Variants in LRRC7 observed in about 807,000 individuals in gnomAD.
The protein encoded by LRRC7 is leucine rich repeat containing 7.
LRRC7 carries 23 observed loss-of-function variants against 175.7 expected under a neutral mutation model. That is an observed-to-expected ratio of 0.13 (90% CI 0.09 to 0.19). The LOEUF (loss-of-function observed/expected upper bound fraction) is 0.19, where lower values mean the gene tolerates loss of function less well. Among genes scored for constraint, LRRC7 ranks in the 10% least tolerant of loss-of-function variants. LRRC7 has a pLI of 1.00. For synonymous variants in LRRC7, 685 were observed against 680.9 expected (o/e 1.01, Z -0.09); for missense variants, 1,354 against 1,904.7 (o/e 0.71, Z 5.38).
chr1:69,807,124 C>CT (rs1444181843), intron 4 of LRRC7, among the ~76,000 whole-genome samples: 1 of 151,904 alleles, frequency 6.6e-6, no homozygotes, highest in Non-Finnish European at 1.5e-5. Flanking sequence ...GCAACCCCTG[C>CT]TTTTTTTGCT....
At chr1:70,114,722 G>T (rs954924478) in intron 26 of LRRC7, among the ~76,000 whole-genome samples, 1 of 152,112 alleles carries the variant, frequency 6.6e-6, no homozygotes, top group Non-Finnish European at 1.5e-5. Context: ...TTATATGCCA[G>T]ATTTTGACTG....
intron 1 of LRRC7, among the ~76,000 whole-genome samples, chr1:69,616,658 T>C (rs1460196982): frequency 6.6e-6 from 1 of 152,112 alleles, no homozygotes; most frequent in Non-Finnish European, 1.5e-5. Context: ...TAAGTTTCAC[T>C]TAAAATATTC....
At chr1:69,705,067 T>A (rs1446704393) in intron 2 of LRRC7, among the ~76,000 whole-genome samples, 1 of 152,162 alleles carries the variant, frequency 6.6e-6, no homozygotes, top group East Asian at 1.9e-4. Context: ...TTCTTTATTA[T>A]CTCAATTTCT....
intron 8 of LRRC7, among the ~76,000 whole-genome samples, chr1:69,937,229 C>A (rs1047518548): frequency 1.7e-4 from 26 of 152,080 alleles, no homozygotes; most frequent in Non-Finnish European, 3.2e-4. Flanking sequence ...AAGCAACTAT[C>A]ATTGTCTGAT....
At chr1:69,888,483 G>A (rs1040476949) in intron 7 of LRRC7, among the ~76,000 whole-genome samples, 14 of 152,060 alleles carry the variant, frequency 9.2e-5, no homozygotes, top group South Asian at 2.1e-4. Context: ...GCTCGCGCAC[G>A]GTGCGCGCAC....
intron 9 of LRRC7, 137 bp downstream of exon 9, chr1:69,980,590 A>G: frequency 3.1e-6 from 2 of 650,380 alleles, no homozygotes; most frequent in Non-Finnish European, 5.1e-6. Context: ...TCAGTCACCA[A>G]GTGTTTTCAC....
intron 25 of LRRC7, among the ~76,000 whole-genome samples, chr1:70,091,504 T>C (rs530675663): frequency 6.6e-6 from 1 of 152,248 alleles, no homozygotes; most frequent in Admixed American, 6.5e-5. Context: ...TTTCACTATA[T>C]TTTTGGAAGG....
intron 2 of LRRC7, among the ~76,000 whole-genome samples, chr1:69,679,359 T>C (rs1305815807): frequency 1.3e-5 from 2 of 152,210 alleles, no homozygotes; most frequent in African/African-American, 2.4e-5. Flanking sequence ...TAAGATTATA[T>C]TGGCGTTTTT....
At chr1:69,697,895 A>AG (rs1344256825) in intron 2 of LRRC7, among the ~76,000 whole-genome samples, 2 of 152,232 alleles carry the variant, frequency 1.3e-5, no homozygotes, top group Admixed American at 6.5e-5. Flanking sequence ...CATGGGGCTT[A>AG]CTGCTGTACA....
At chr1:69,953,945 T>C (rs1345641732) in intron 8 of LRRC7, among the ~76,000 whole-genome samples, 1 of 152,058 alleles carries the variant, frequency 6.6e-6, no homozygotes, top group Non-Finnish European at 1.5e-5. Flanking sequence ...AGTTAATAAG[T>C]ATAGAATTTG....
chr1:69,783,572 G>A (rs147489823), intron 3 of LRRC7, among the ~76,000 whole-genome samples: 145 of 151,956 alleles, frequency 9.5e-4, no homozygotes, highest in African/African-American at 2.9e-3. Context: ...GCAACATGGC[G>A]GAACCCTGTC....
At chr1:69,659,426 A>C (rs376931273) in intron 1 of LRRC7, among the ~76,000 whole-genome samples, 1 of 151,972 alleles carries the variant, frequency 6.6e-6, no homozygotes, top group Non-Finnish European at 1.5e-5. Flanking sequence ...AATCCAAAAA[A>C]TAAAACCAGT....
chr1:69,992,828 C>G (rs1654571008), intron 10 of LRRC7, among the ~76,000 whole-genome samples: 1 of 152,162 alleles, frequency 6.6e-6, no homozygotes, highest in South Asian at 2.1e-4. Context: ...CAACCTTCCT[C>G]AAGGTTTTCT....
At chr1:69,608,099 G>C (rs1249820054) in intron 1 of LRRC7, 2 of 152,700 alleles carry the variant, frequency 1.3e-5, no homozygotes, top group Non-Finnish European at 2.9e-5. Flanking sequence ...ACCTCACTTT[G>C]GGTTTTTCAT....
intron 1 of LRRC7, among the ~76,000 whole-genome samples, chr1:69,617,416 A>T (rs751685786): frequency 1.3e-5 from 2 of 151,914 alleles, no homozygotes; most frequent in Non-Finnish European, 2.9e-5. Flanking sequence ...CACAATCAAC[A>T]GTTTTTGAGT....
At chr1:69,764,641 A>G (rs943971907) in intron 3 of LRRC7, among the ~76,000 whole-genome samples, 13 of 151,900 alleles carry the variant, frequency 8.6e-5, no homozygotes, top group Non-Finnish European at 1.5e-4. Context: ...CTTCCTGGAA[A>G]CCTGTTTCTT....
intron 1 of LRRC7, among the ~76,000 whole-genome samples, chr1:69,586,302 C>A (rs938495849): frequency 6.6e-6 from 1 of 152,092 alleles, no homozygotes; most frequent in East Asian, 1.9e-4. Context: ...TTTGTAAATG[C>A]CTTCTTTGTA....
chr1:70,059,611 AT>A (rs1369526847), intron 23 of LRRC7, among the ~76,000 whole-genome samples: 1 of 150,248 alleles, frequency 6.7e-6, no homozygotes, highest in Admixed American at 6.7e-5. Context: ...TTTTTTAAAG[AT>A]TTTTTTATTA....
At chr1:69,828,451 A>AT (rs1236142896) in intron 5 of LRRC7, among the ~76,000 whole-genome samples, 4 of 151,728 alleles carry the variant, frequency 2.6e-5, no homozygotes, top group African/African-American at 9.7e-5. Flanking sequence ...TCAGTTTTTT[A>AT]TTTTTTTCCA....
Sources: gnomAD v4.1 joint callset for allele counts (sites outside exome capture counted in the v4.1 genomes callset) on GRCh38, gnomAD v4.1.1 for gene constraint, MANE v1.5 for transcripts, NCBI Gene and HGNC (gene_info 2026-07-23, HGNC 2026-07-21) for gene names.